The following DSCAM variants were observed in gnomAD, a reference collection of about 807,000 sequenced individuals.
DSCAM encodes the protein DS cell adhesion molecule.
In DSCAM, 47 loss-of-function variants were observed where a neutral mutation model predicts 217.7. The observed-to-expected ratio is 0.22, with a 90% CI of 0.17 to 0.28. The LOEUF (loss-of-function observed/expected upper bound fraction) is 0.28, where lower values mean the gene tolerates loss of function less well. DSCAM is among the 10% of genes least tolerant of loss of function. The probability of loss-of-function intolerance (pLI) is 1.00; values close to 1 mark genes in which losing one functional copy is unlikely to be tolerated. For synonymous variants in DSCAM, 1,056 were observed against 1,015.3 expected (o/e 1.04, Z -0.76); for missense variants, 2,080 against 2,618.3 (o/e 0.79, Z 4.49).
chr21:40,035,830 G>T lies in DSCAM; in HGVS notation c.5686+6541C>A, dbSNP rs551562700. 3.3e-3 allele frequency among the ~76,000 whole-genome samples: 478 copies of T among 143,274 alleles called. 28 individuals carry two copies. Among genetic ancestry groups the T allele is most frequent in the African/African-American group, 0.013 (449 of 35,284 alleles). The allele number at this position is 143,274 out of a possible 152,430, so 94.0% of individuals were successfully genotyped here. On this transcript the variant is annotated intron_variant, in intron 32 of 32. Coordinates refer to ENST00000400454, the MANE Select transcript of DSCAM (RefSeq NM_001389.5). Reference sequence around the variant, plus strand: ...AACAAACTATCTCTCAGACCACAGTGCAATCAAACTAGAACTCAGGATTAA... The same window carrying T: ...AACAAACTATCTCTCAGACCACAGTTCAATCAAACTAGAACTCAGGATTAA...
At chr21:40,814,405 C>A (rs890663619) in intron 1 of DSCAM, among the ~76,000 whole-genome samples, 6 of 152,156 alleles carry the variant, frequency 3.9e-5, no homozygotes, top group African/African-American at 1.4e-4. Flanking sequence ...CACACCTTAG[C>A]GTAGTAGAGA....
chr21:40,600,837 A>G (rs375093608), intron 3 of DSCAM, among the ~76,000 whole-genome samples: 43 of 152,222 alleles, frequency 2.8e-4, no homozygotes, highest in African/African-American at 1.0e-3. Context: ...TCCTTTGTCA[A>G]TATTCAGTTG....
intron 20 of DSCAM, among the ~76,000 whole-genome samples, chr21:40,099,829 G>T (rs977095322): frequency 1.3e-5 from 2 of 152,170 alleles, no homozygotes; most frequent in African/African-American, 4.8e-5. Flanking sequence ...GTTGAGAGAG[G>T]TCTGTGAGTA....
chr21:40,737,165 T>C (rs2091072425), intron 1 of DSCAM, among the ~76,000 whole-genome samples: 1 of 152,222 alleles, frequency 6.6e-6, no homozygotes. Flanking sequence ...GCTTTACTAG[T>C]GAATTTCTTG....
chr21:40,420,265 A>G (rs1002842825), intron 3 of DSCAM, among the ~76,000 whole-genome samples: 7 of 152,192 alleles, frequency 4.6e-5, no homozygotes, highest in African/African-American at 1.7e-4. Flanking sequence ...GTGAAAGACT[A>G]AAAGGAAACA....
intron 30 of DSCAM, among the ~76,000 whole-genome samples, chr21:40,044,907 G>A (rs2088820000): frequency 6.6e-6 from 1 of 152,150 alleles, no homozygotes; most frequent in Non-Finnish European, 1.5e-5. Context: ...CAAAAGACAT[G>A]TTCATGTCCT....
chr21:40,642,414 C>A (rs2089893888), intron 3 of DSCAM, among the ~76,000 whole-genome samples: 1 of 152,134 alleles, frequency 6.6e-6, no homozygotes, highest in African/African-American at 2.4e-5. Flanking sequence ...ATTAGGAGTA[C>A]TGAGAAATTA....
At chr21:40,282,590 CAAAAAAA>C (rs528248714) in intron 10 of DSCAM, among the ~76,000 whole-genome samples, 1 of 32,946 alleles carries the variant, frequency 3.0e-5, no homozygotes, top group South Asian at 2.1e-3. Flanking sequence ...GACTCTGTCT[CAAAAAAA>C]AAAAAAAAAA....
At chr21:40,477,732 T>C (rs1165420956) in intron 3 of DSCAM, among the ~76,000 whole-genome samples, 2 of 152,236 alleles carry the variant, frequency 1.3e-5, no homozygotes, top group Admixed American at 6.5e-5. Flanking sequence ...CAAAATGATA[T>C]ATTTAATCTA....
At chr21:40,588,159 C>G (rs2076959974) in intron 3 of DSCAM, among the ~76,000 whole-genome samples, 1 of 152,130 alleles carries the variant, frequency 6.6e-6, no homozygotes, top group African/African-American at 2.4e-5. Context: ...TGGCGGGCCC[C>G]TCAGCTGCTC....
chr21:40,014,907 C>A (rs1242805540), intron 32 of DSCAM, among the ~76,000 whole-genome samples: 1 of 152,222 alleles, frequency 6.6e-6, no homozygotes, highest in South Asian at 2.1e-4. Context: ...ACCTGCATTA[C>A]TATAGCATTT....
At chr21:40,591,570 T>C (rs543022817) in intron 3 of DSCAM, among the ~76,000 whole-genome samples, 69 of 152,340 alleles carry the variant, frequency 4.5e-4, no homozygotes, top group African/African-American at 1.6e-3. Flanking sequence ...TGTTATATTG[T>C]GTGGAATAGA....
intron 3 of DSCAM, among the ~76,000 whole-genome samples, chr21:40,568,246 A>C (rs2076780225): frequency 6.6e-6 from 1 of 152,188 alleles, no homozygotes; most frequent in African/African-American, 2.4e-5. Context: ...GGAGAAAGAG[A>C]GCATATTAGC....
chr21:40,376,474 C>CGA (rs2074954104), intron 3 of DSCAM, among the ~76,000 whole-genome samples: 1 of 126,066 alleles, frequency 7.9e-6, no homozygotes, highest in Admixed American at 8.8e-5. Flanking sequence ...ATATAGATAT[C>CGA]TATATATCTT....
At chr21:40,111,897 A>T (rs1231671596) in intron 20 of DSCAM, among the ~76,000 whole-genome samples, 2 of 152,088 alleles carry the variant, frequency 1.3e-5, no homozygotes, top group South Asian at 4.2e-4. Context: ...CCAATACAGG[A>T]GCACTCAGAT....
At chr21:40,087,436 G>T in intron 21 of DSCAM, 149 bp from the exon 22 acceptor site, 1 of 609,526 alleles carries the variant, frequency 1.6e-6, no homozygotes, top group Non-Finnish European at 3.0e-6. Context: ...TGGTACCCGG[G>T]TTATGAGGAA....
rs116882175 is a variant in DSCAM at position 40,208,782 on chromosome 21, T to C, written c.2357-19544A>G. 1.3e-3 allele frequency among the ~76,000 whole-genome samples: 195 copies of C among 152,278 alleles called. 1 individual carries two copies. The East Asian group carries it at 0.026, about 20-fold the overall frequency. ...CCCCTTGGGTTGCGAAACAGAAATA[T>C]GGAGAGGCAGCTGCGGCTTTCACTG... On this transcript the variant is annotated intron_variant, in intron 11 of 32. Coordinates refer to ENST00000400454, the MANE Select transcript of DSCAM (RefSeq NM_001389.5).
intron 32 of DSCAM, among the ~76,000 whole-genome samples, chr21:40,027,092 C>T (rs1180014090): frequency 6.6e-6 from 1 of 152,300 alleles, no homozygotes; most frequent in African/African-American, 2.4e-5. Context: ...AATCTCTCAG[C>T]ATTTGCTTGT....
At chr21:40,185,967 C>G (rs2090890237) in intron 14 of DSCAM, among the ~76,000 whole-genome samples, 1 of 152,200 alleles carries the variant, frequency 6.6e-6, no homozygotes, top group East Asian at 1.9e-4. Flanking sequence ...TGACACCTCA[C>G]TTCTAGGCCC....
Sources: gnomAD v4.1 joint callset for allele counts (sites outside exome capture counted in the v4.1 genomes callset) on GRCh38, gnomAD v4.1.1 for gene constraint, MANE v1.5 for transcripts, NCBI Gene and HGNC (gene_info 2026-07-23, HGNC 2026-07-21) for gene names.